The following ASAP1 variants were observed in gnomAD, a reference collection of about 807,000 sequenced individuals.
ASAP1 encodes arf-GAP with SH3 domain, ANK repeat and PH domain-containing protein 1.
Under a neutral mutation model 145.2 loss-of-function variants are expected in ASAP1, and 43 were observed. That is an observed-to-expected ratio of 0.30 (90% CI 0.23 to 0.38). The LOEUF is 0.38. ASAP1 is among the 10% of genes least tolerant of loss of function. The pLI is 1.00. For synonymous variants in ASAP1, 546 were observed against 515.5 expected (o/e 1.06, Z -0.80); for missense variants, 1,018 against 1,355.3 (o/e 0.75, Z 3.91).
At chr8:130,146,908 G>A (rs548721240) in intron 13 of ASAP1, among the ~76,000 whole-genome samples, 1 of 152,096 alleles carries the variant, frequency 6.6e-6, no homozygotes, top group South Asian at 2.1e-4. Flanking sequence ...AGTACACTGA[G>A]TAGTAATGAA....
intron 2 of ASAP1, among the ~76,000 whole-genome samples, chr8:130,377,987 A>G (rs1031002371): frequency 6.6e-6 from 1 of 152,226 alleles, no homozygotes; most frequent in Non-Finnish European, 1.5e-5. Context: ...TGACTGATAC[A>G]GGGAGACAGC....
intron 2 of ASAP1, among the ~76,000 whole-genome samples, chr8:130,389,964 C>T (rs1828198040): frequency 6.6e-6 from 1 of 152,196 alleles, no homozygotes; most frequent in South Asian, 2.1e-4. Flanking sequence ...TTGAAAACCA[C>T]AAGACTTGGC....
chr8:130,377,646 C>T (rs1412208901), intron 2 of ASAP1, among the ~76,000 whole-genome samples: 1 of 152,242 alleles, frequency 6.6e-6, no homozygotes, highest in Non-Finnish European at 1.5e-5. Flanking sequence ...CTGCTCCAGA[C>T]ACATCTCAGG....
intron 24 of ASAP1, among the ~76,000 whole-genome samples, chr8:130,094,428 C>T (rs1364649987): frequency 1.3e-5 from 2 of 152,066 alleles, no homozygotes. Context: ...ACTCTGTTGT[C>T]CAGGCTGGCC....
chr8:130,134,471 G>T, intron 14 of ASAP1, 127 bp from the exon 15 acceptor site: 1 of 501,660 alleles, frequency 2.0e-6, no homozygotes, highest in Non-Finnish European at 3.4e-6. Flanking sequence ...TTAGTTTTAC[G>T]CCATTATGTG....
chr8:130,100,128 C>T (rs1287457463), intron 24 of ASAP1, among the ~76,000 whole-genome samples: 1 of 152,118 alleles, frequency 6.6e-6, no homozygotes, highest in African/African-American at 2.4e-5. Flanking sequence ...TACATTCCAA[C>T]CAACATTATA....
At chr8:130,255,684 TATG>T (rs1819468628) in intron 3 of ASAP1, among the ~76,000 whole-genome samples, 1 of 152,194 alleles carries the variant, frequency 6.6e-6, no homozygotes, top group African/African-American at 2.4e-5. Flanking sequence ...TGTTTAAAAA[TATG>T]ATTATGAATT....
At chr8:130,072,833 G>GC (rs1442975797) in intron 27 of ASAP1, among the ~76,000 whole-genome samples, 4 of 129,950 alleles carry the variant, frequency 3.1e-5, no homozygotes, top group African/African-American at 1.0e-4. Flanking sequence ...GTGCGCGCGG[G>GC]GGGGGGCAGT....
chr8:130,088,713 C>T lies in ASAP1; in HGVS notation c.2572+3260G>A, dbSNP rs191790374. 3.9e-5 allele frequency among the ~76,000 whole-genome samples: 6 copies of T among 152,304 alleles called. No homozygotes were observed. In the East Asian group the frequency reaches 5.8e-4, roughly 15 times the overall value. ...TATGCGTTACAGGAGCCTCAGGAAACGAATGCAGGTTTCTCCCATCTCTAG... is the reference window on the plus strand; with the variant it reads ...TATGCGTTACAGGAGCCTCAGGAAATGAATGCAGGTTTCTCCCATCTCTAG... On this transcript the variant is annotated intron_variant, in intron 25 of 29. Coordinates refer to ENST00000518721, the MANE Select transcript of ASAP1 (RefSeq NM_018482.4).
At chr8:130,118,768 T>C (rs2097560605) in intron 18 of ASAP1, 93 bp from the exon 19 acceptor site, 1 of 911,016 alleles carries the variant, frequency 1.1e-6, no homozygotes, top group South Asian at 2.8e-5. Context: ...GAAGTTATTT[T>C]AATTAAGATA....
chr8:130,307,653 A>G (rs1823075158), intron 3 of ASAP1, among the ~76,000 whole-genome samples: 1 of 152,136 alleles, frequency 6.6e-6, no homozygotes, highest in Non-Finnish European at 1.5e-5. Context: ...TTTCCCTTCC[A>G]CCTCTCAAGT....
At chr8:130,324,761 G>A (rs916664874) in intron 3 of ASAP1, among the ~76,000 whole-genome samples, 1 of 152,166 alleles carries the variant, frequency 6.6e-6, no homozygotes, top group Non-Finnish European at 1.5e-5. Context: ...AGACAGTTAA[G>A]GTTCTTGTAA....
intron 3 of ASAP1, among the ~76,000 whole-genome samples, chr8:130,273,580 T>A (rs1458700038): frequency 6.6e-6 from 1 of 152,216 alleles, no homozygotes; most frequent in Admixed American, 6.5e-5. Flanking sequence ...AAGGAGGAGC[T>A]CACAGGATCT....
At chr8:130,335,122 T>C (rs1309463827) in intron 3 of ASAP1, among the ~76,000 whole-genome samples, 1 of 152,150 alleles carries the variant, frequency 6.6e-6, no homozygotes, top group Non-Finnish European at 1.5e-5. Flanking sequence ...AAAGCATACT[T>C]TTTGCCTATT....
chr8:130,065,231 A>G (rs572410620), intron 27 of ASAP1, among the ~76,000 whole-genome samples: 2 of 152,276 alleles, frequency 1.3e-5, no homozygotes, highest in South Asian at 4.1e-4. Context: ...AGATGAACAG[A>G]CACACAGGGC....
At chr8:130,326,285 G>A (rs1298175948) in intron 3 of ASAP1, among the ~76,000 whole-genome samples, 1 of 152,206 alleles carries the variant, frequency 6.6e-6, no homozygotes, top group African/African-American at 2.4e-5. Flanking sequence ...GCTTTTACAA[G>A]TCTACTATCA....
intron 3 of ASAP1, among the ~76,000 whole-genome samples, chr8:130,334,754 A>G (rs1824928135): frequency 6.6e-6 from 1 of 152,244 alleles, no homozygotes; most frequent in African/African-American, 2.4e-5. Context: ...TTATACTACA[A>G]CATCAACAAA....
intron 24 of ASAP1, among the ~76,000 whole-genome samples, chr8:130,096,655 G>A (rs2097518430): frequency 6.6e-6 from 1 of 152,104 alleles, no homozygotes; most frequent in South Asian, 2.1e-4. Context: ...TCTTCCTGAG[G>A]GTTTACATGT....
At chr8:130,343,532 A>C (rs1272302670) in intron 3 of ASAP1, among the ~76,000 whole-genome samples, 1 of 152,230 alleles carries the variant, frequency 6.6e-6, no homozygotes, top group African/African-American at 2.4e-5. Context: ...GCACTTTCCT[A>C]GGCTGCCCAG....
Sources: gnomAD v4.1 joint callset for allele counts (sites outside exome capture counted in the v4.1 genomes callset) on GRCh38, gnomAD v4.1.1 for gene constraint, MANE v1.5 for transcripts, NCBI Gene and HGNC (gene_info 2026-07-23, HGNC 2026-07-21) for gene names.